RDH11: variants seen among roughly 807,000 people sequenced by gnomAD.
RDH11 encodes the protein retinol dehydrogenase 11, also known as HCV core-binding protein HCBP12.
In RDH11, 19 loss-of-function variants were observed where a neutral mutation model predicts 33.4. That is an observed-to-expected ratio of 0.57 (90% CI 0.40 to 0.83). RDH11 has a LOEUF of 0.83. Ranked by LOEUF, RDH11 falls within the 40% of genes least tolerant of loss-of-function variation. The pLI is 0.00. For missense variants in RDH11, 353 were observed against 389.0 expected (o/e 0.91, Z 0.78); for synonymous variants, 154 against 155.3 (o/e 0.99, Z 0.06).
chr14:67,689,967 C>A, intron 5 of RDH11: 3 of 416,054 alleles, frequency 7.2e-6, no homozygotes, highest in Non-Finnish European at 1.3e-5. Flanking sequence ...AGTTAAGTAA[C>A]TTGCTATAGA....
chr14:67,687,467 CTTTTT>C (rs67069556), intron 5 of RDH11, among the ~76,000 whole-genome samples: 3 of 79,696 alleles, frequency 3.8e-5, no homozygotes, highest in African/African-American at 9.0e-5. Context: ...CTCCATATTC[CTTTTT>C]TTTTTTTTTT....
intron 6 of RDH11, among the ~76,000 whole-genome samples, chr14:67,679,990 CAAGT>C (rs2037594516): frequency 2.6e-5 from 4 of 152,148 alleles, no homozygotes; most frequent in Non-Finnish European, 1.5e-5. Context: ...AACACTATGT[CAAGT>C]AAGACAGTGG....
intron 5 of RDH11, among the ~76,000 whole-genome samples, chr14:67,689,899 T>C (rs953074751): frequency 1.3e-5 from 2 of 151,854 alleles, no homozygotes; most frequent in Non-Finnish European, 2.9e-5. Flanking sequence ...GAGCCGAGAT[T>C]GCACCATTGC....
intron 5 of RDH11, among the ~76,000 whole-genome samples, chr14:67,687,466 C>CTTTTTTTTTT (rs1566827599): frequency 8.6e-6 from 1 of 116,706 alleles, no homozygotes. Flanking sequence ...CCTCCATATT[C>CTTTTTTTTTT]CTTTTTTTTT....
At chr14:67,685,944 A>G (rs1343420256) in intron 5 of RDH11, 1 of 152,262 alleles carries the variant, frequency 6.6e-6, no homozygotes, top group Admixed American at 6.5e-5. Flanking sequence ...CCATAAGCCT[A>G]TGCCACTTCT....
At chr14:67,689,254 G>C (rs2037718950) in intron 5 of RDH11, among the ~76,000 whole-genome samples, 1 of 152,212 alleles carries the variant, frequency 6.6e-6, no homozygotes, top group African/African-American at 2.4e-5. Context: ...CATTTGGTAG[G>C]ATGATCCTAT....
chr14:67,679,284 C>T (rs1331606965), intron 6 of RDH11, among the ~76,000 whole-genome samples: 1 of 152,204 alleles, frequency 6.6e-6, no homozygotes, highest in Non-Finnish European at 1.5e-5. Flanking sequence ...CTTAAAGGCC[C>T]TGCCTCTCTA....
chr14:67,691,824 G>A (rs2037753804), intron 3 of RDH11: 2 of 153,528 alleles, frequency 1.3e-5, no homozygotes, highest in South Asian at 4.1e-4. Flanking sequence ...AGACACTACA[G>A]GTTTTTACGT....
intron 5 of RDH11, among the ~76,000 whole-genome samples, chr14:67,686,564 G>T (rs1406243523): frequency 6.7e-6 from 1 of 148,428 alleles, no homozygotes; most frequent in Admixed American, 6.9e-5. Flanking sequence ...ACTTGAACCA[G>T]GGAGACAGAG....
At chr14:67,684,024 T>C (rs1192550555) in intron 6 of RDH11, among the ~76,000 whole-genome samples, 1 of 152,208 alleles carries the variant, frequency 6.6e-6, no homozygotes. Context: ...TGATAAAAAT[T>C]CTGCTGCTTC....
At chr14:67,686,354 T>C (rs950368648) in intron 5 of RDH11, 6 of 152,196 alleles carry the variant, frequency 3.9e-5, no homozygotes, top group Admixed American at 6.6e-5. Context: ...GAGTGCCTGA[T>C]GCAGCTGGGC....
chr14:67,685,095 C>T lies in RDH11; in HGVS notation c.774G>A (p.Lys258=). Residue 258 remains lysine, a synonymous_variant, in exon 6 of 7, where the codon AAG becomes AAA. Transcript: ENST00000381346. ...WMWWLFSFFI[K]TPQQGAQTSL... The stretch of plus-strand genomic sequence containing the variant: ...TGGTCTGGGCTCCCTGCTGAGGAGT[C>T]TTGATGAAAAAGGAGAAAAGCCACC... The T allele has an allele frequency of 6.2e-7, 1 of 1,614,040 alleles. No individual in the cohort carries two copies. The highest frequency in any genetic ancestry group is 8.5e-7 in the Non-Finnish European group (1 of 1,180,000).
At chr14:67,681,081 T>G (rs533922619) in intron 6 of RDH11, among the ~76,000 whole-genome samples, 1 of 152,246 alleles carries the variant, frequency 6.6e-6, no homozygotes, top group Admixed American at 6.5e-5. Context: ...AGAGGGCCTT[T>G]AAGGAGGTAA....
intron 2 of RDH11, 29 bp from the exon 3 acceptor site, chr14:67,692,622 G>T: frequency 3.3e-6 from 5 of 1,521,758 alleles, no homozygotes; most frequent in Non-Finnish European, 4.4e-6. Flanking sequence ...AAGAGAAATG[G>T]TCAGCTCTGT....
Position 67,678,363 on chromosome 14 carries a change from C to T in RDH11, c.915G>A (p.Leu305=), listed in dbSNP as rs776092956. 12 of 1,613,980 alleles carry T rather than the reference C, an allele frequency of 7.4e-6. No individual in the cohort carries two copies. Among genetic ancestry groups the T allele is most frequent in the Non-Finnish European group, 9.3e-6 (11 of 1,179,966 alleles). ...QARNETIARR[L]WDVSCDLLGL... ...CCAGCAGGTCACAACTGACGTCCCACAGCCGCCTTGCTATAGTCTCATTAC... is the reference window on the plus strand; with the variant it reads ...CCAGCAGGTCACAACTGACGTCCCATAGCCGCCTTGCTATAGTCTCATTAC... Residue 305 remains leucine (L), a synonymous_variant, in exon 7 of 7, where the codon CTG becomes CTA. Coordinates refer to ENST00000381346, the MANE Select transcript of RDH11 (RefSeq NM_016026.4).
chr14:67,692,805 C>T lies in RDH11; in HGVS notation c.193+129G>A, dbSNP rs142504098. 1.6e-4 allele frequency: 138 copies of T among 876,784 alleles called. No homozygotes were observed. The African/African-American group carries it at 2.2e-3, about 14-fold the overall frequency. The allele number at this position is 876,784 out of a possible 1,614,324, so 54.3% of individuals were successfully genotyped here. On this transcript the variant is annotated intron_variant, in intron 2 of 6. Transcript: ENST00000381346. ...GTAGAGCATAGTACTAGTTTCAGAT[C>T]AGCAAATCAGTGGAATCCTTAGGTG...
chr14:67,680,243 C>T (rs1206679406), intron 6 of RDH11, among the ~76,000 whole-genome samples: 3 of 152,208 alleles, frequency 2.0e-5, no homozygotes. Flanking sequence ...AGAAGACTCA[C>T]CAGTATGACC....
At chr14:67,684,771 A>G in intron 6 of RDH11, 1 of 328,206 alleles carries the variant, frequency 3.0e-6, no homozygotes, top group Admixed American at 4.7e-5. Context: ...CTGGACTGAC[A>G]TAACAAAGAC....
intron 6 of RDH11, among the ~76,000 whole-genome samples, chr14:67,682,375 G>A (rs1266919078): frequency 2.0e-5 from 3 of 152,122 alleles, no homozygotes; most frequent in Admixed American, 6.5e-5. Context: ...CAAGGAACTC[G>A]CATCTAGACT....
Sources: gnomAD v4.1 joint callset for allele counts (sites outside exome capture counted in the v4.1 genomes callset) on GRCh38, gnomAD v4.1.1 for gene constraint, MANE v1.5 for transcripts, NCBI Gene and HGNC (gene_info 2026-07-23, HGNC 2026-07-21) for gene names.